The following AFF3 variants were observed in gnomAD, a reference collection of about 807,000 sequenced individuals.
AFF3 encodes AF4/FMR2 family member 3.
In AFF3, 32 loss-of-function variants were observed where a neutral mutation model predicts 129.7. The ratio of observed to expected loss-of-function variants is 0.25; its 90% CI spans 0.19 to 0.33. The LOEUF (loss-of-function observed/expected upper bound fraction) is 0.33, where lower values mean the gene tolerates loss of function less well. Among genes scored for constraint, AFF3 ranks in the 10% least tolerant of loss-of-function variants. The probability of loss-of-function intolerance (pLI) is 1.00; values close to 1 mark genes in which losing one functional copy is unlikely to be tolerated. For missense variants in AFF3, 1,373 were observed against 1,592.0 expected (o/e 0.86, Z 2.34); for synonymous variants, 644 against 635.4 (o/e 1.01, Z -0.20).
intron 13 of AFF3, among the ~76,000 whole-genome samples, chr2:99,622,143 C>A (rs1030419699): frequency 1.3e-5 from 2 of 152,176 alleles, no homozygotes; most frequent in Admixed American, 6.5e-5. Flanking sequence ...GGGTCTCCAG[C>A]CCCACTTTGG....
chr2:99,800,149 T>C (rs1576020031), intron 8 of AFF3, among the ~76,000 whole-genome samples: 1 of 152,126 alleles, frequency 6.6e-6, no homozygotes, highest in South Asian at 2.1e-4. Context: ...ACAAGCCCCA[T>C]ACTTAGAGAA....
chr2:99,874,701 A>T (rs1692152071), intron 7 of AFF3, among the ~76,000 whole-genome samples: 1 of 152,196 alleles, frequency 6.6e-6, no homozygotes, highest in Non-Finnish European at 1.5e-5. Flanking sequence ...GAGCTACAAG[A>T]ATCTTCATTA....
At chr2:99,584,384 A>G (rs565055242) in intron 16 of AFF3, among the ~76,000 whole-genome samples, 7 of 152,340 alleles carry the variant, frequency 4.6e-5, no homozygotes, top group Admixed American at 3.9e-4. Context: ...GAGGCAGGAG[A>G]ATCGCTTGGG....
At chr2:100,055,963 G>T (rs1013513663) in intron 4 of AFF3, among the ~76,000 whole-genome samples, 50 of 151,680 alleles carry the variant, frequency 3.3e-4, no homozygotes, top group African/African-American at 1.1e-3. Context: ...CTTGAGGCCA[G>T]GAGATCAAGG....
At chr2:99,668,887 CT>C (rs1470466398) in intron 12 of AFF3, among the ~76,000 whole-genome samples, 4 of 152,084 alleles carry the variant, frequency 2.6e-5, no homozygotes, top group Non-Finnish European at 5.9e-5. Flanking sequence ...AAAGCATAAT[CT>C]TTTTGAGAAA....
chr2:99,638,630 G>A (rs1683899581), intron 13 of AFF3, among the ~76,000 whole-genome samples: 1 of 152,174 alleles, frequency 6.6e-6, no homozygotes, highest in Non-Finnish European at 1.5e-5. Context: ...AAGGACGCAT[G>A]TCCAGGCTAA....
chr2:100,113,885 G>A (rs1412449795), intron 2 of AFF3, among the ~76,000 whole-genome samples: 1 of 151,990 alleles, frequency 6.6e-6, no homozygotes, highest in African/African-American at 2.4e-5. Flanking sequence ...TGAGGTGGGG[G>A]GGTTGTAGAA....
chr2:100,141,867 G>C (rs1046959099), intron 1 of AFF3, among the ~76,000 whole-genome samples: 20 of 151,962 alleles, frequency 1.3e-4, no homozygotes, highest in African/African-American at 3.6e-4. Flanking sequence ...CACATACACA[G>C]ACACACACAC....
intron 16 of AFF3, among the ~76,000 whole-genome samples, chr2:99,584,769 A>G (rs1466514752): frequency 6.6e-6 from 1 of 152,258 alleles, no homozygotes; most frequent in Admixed American, 6.5e-5. Flanking sequence ...TCAGTTAAAA[A>G]ATGGTAAAGC....
chr2:100,136,441 T>C (rs571808568), intron 1 of AFF3, among the ~76,000 whole-genome samples: 1 of 152,278 alleles, frequency 6.6e-6, no homozygotes, highest in African/African-American at 2.4e-5. Context: ...AAGAAGTGAA[T>C]GTGTCAAATC....
intron 7 of AFF3, among the ~76,000 whole-genome samples, chr2:99,918,760 C>T (rs1014344206): frequency 1.3e-5 from 2 of 152,144 alleles, no homozygotes; most frequent in African/African-American, 2.4e-5. Context: ...GTAGAAGCAG[C>T]CTCTCCAAAT....
intron 4 of AFF3, among the ~76,000 whole-genome samples, chr2:100,098,774 G>C (rs1690477970): frequency 9.6e-6 from 1 of 103,662 alleles, no homozygotes; most frequent in African/African-American, 4.3e-5. Context: ...AGCCCAGCTG[G>C]AGTCCCCAAG....
intron 8 of AFF3, among the ~76,000 whole-genome samples, chr2:99,805,423 T>G: frequency 6.6e-6 from 1 of 152,202 alleles, no homozygotes; most frequent in Non-Finnish European, 1.5e-5. Flanking sequence ...AAATCAGATG[T>G]GTTCTCTGGC....
intron 7 of AFF3, among the ~76,000 whole-genome samples, chr2:99,927,982 T>C (rs1288879599): frequency 6.6e-6 from 1 of 152,148 alleles, no homozygotes; most frequent in Non-Finnish European, 1.5e-5. Flanking sequence ...TCATGAGATC[T>C]GATGGTTTTA....
intron 24 of AFF3, among the ~76,000 whole-genome samples, 172 bp downstream of exon 24, chr2:99,554,139 T>G (rs1674690360): frequency 6.6e-6 from 1 of 152,086 alleles, no homozygotes; most frequent in Non-Finnish European, 1.5e-5. Flanking sequence ...AGAACCACCA[T>G]AAAGGGTGTT....
intron 8 of AFF3, among the ~76,000 whole-genome samples, chr2:99,792,499 A>AAACT (rs1685265403): frequency 6.6e-6 from 1 of 151,610 alleles, no homozygotes; most frequent in African/African-American, 2.4e-5. Flanking sequence ...AAACAAAAAC[A>AAACT]AACAAAACAA....
At chr2:99,753,548 T>C (rs1681846814) in intron 8 of AFF3, among the ~76,000 whole-genome samples, 2 of 152,126 alleles carry the variant, frequency 1.3e-5, no homozygotes, top group South Asian at 4.1e-4. Flanking sequence ...TGAAAAGCGA[T>C]TCTGTCAGGC....
At chr2:99,650,042 T>G (rs1685092804) in intron 12 of AFF3, among the ~76,000 whole-genome samples, 4 of 152,224 alleles carry the variant, frequency 2.6e-5, no homozygotes, top group Admixed American at 1.3e-4. Context: ...CAAAAAGGTC[T>G]GTTTTGGTTT....
chr2:99,590,985 C>T (rs561229460), intron 15 of AFF3, among the ~76,000 whole-genome samples: 239 of 146,330 alleles, frequency 1.6e-3, no homozygotes, highest in Non-Finnish European at 2.5e-3. Context: ...GCAACAAGAG[C>T]GAAACTCTGT....
Sources: allele counts gnomAD v4.1 joint callset (sites outside exome capture counted in the v4.1 genomes callset), GRCh38; gene constraint gnomAD v4.1.1; transcripts MANE v1.5; gene names NCBI Gene and HGNC (gene_info 2026-07-23, HGNC 2026-07-21).